Variants in SLC9A9 observed in about 807,000 individuals in gnomAD.
SLC9A9 encodes the protein solute carrier family 9 member A9, also known as sodium/hydrogen exchanger 9.
SLC9A9 carries 62 observed loss-of-function variants against 77.8 expected under a neutral mutation model. The ratio of observed to expected loss-of-function variants is 0.80; its 90% CI spans 0.65 to 0.98. The LOEUF (loss-of-function observed/expected upper bound fraction) is 0.98. Among genes scored for constraint, SLC9A9 ranks in the 50% least tolerant of loss-of-function variants. The probability of loss-of-function intolerance (pLI) is 0.00; values close to 1 mark genes in which losing one functional copy is unlikely to be tolerated. For synonymous variants in SLC9A9, 320 were observed against 283.5 expected, an observed-to-expected ratio of 1.13 and a Z score of -1.29; for missense variants, 775 against 774.9, an observed-to-expected ratio of 1.00 and a Z score of 0.00.
At chr3:143,564,101 A>G (rs1373183441) in intron 8 of SLC9A9, among the ~76,000 whole-genome samples, 4 of 152,224 alleles carry the variant, frequency 2.6e-5, no homozygotes, top group African/African-American at 9.6e-5. Context: ...GAACACAAGG[A>G]GATTAATCCT....
In SLC9A9 at chr3:143,757,932, C is replaced by T. The variant is rs115169115; in HGVS notation, c.533+37069G>A. Among the ~76,000 whole-genome samples the T allele has an allele frequency of 8.6e-3, 1,313 of 152,162 alleles. 14 individuals are homozygous for T. The highest frequency in any genetic ancestry group is 0.03 in the African/African-American group (1,241 of 41,516). On this transcript the variant is annotated intron_variant, in intron 4 of 15. Coordinates refer to ENST00000316549, the MANE Select transcript of SLC9A9 (RefSeq NM_173653.4). ...CAATGCAGTCACTAGGTAAAGGAAA[C>T]AGCCGGAAAAGTATGTGGGGAGGGA...
intron 1 of SLC9A9, among the ~76,000 whole-genome samples, chr3:143,840,409 G>C (rs2009678158): frequency 6.6e-6 from 1 of 152,112 alleles, no homozygotes; most frequent in Non-Finnish European, 1.5e-5. Flanking sequence ...TATGATGAAA[G>C]CCTATTTTGC....
At chr3:143,792,617 T>G (rs865962595) in intron 4 of SLC9A9, among the ~76,000 whole-genome samples, 2 of 152,132 alleles carry the variant, frequency 1.3e-5, no homozygotes, top group African/African-American at 4.8e-5. Flanking sequence ...CTTCCTGTTT[T>G]GGGGGTCCAA....
At chr3:143,624,005 G>C (rs946370081) in intron 6 of SLC9A9, among the ~76,000 whole-genome samples, 1 of 152,146 alleles carries the variant, frequency 6.6e-6, no homozygotes, top group Non-Finnish European at 1.5e-5. Flanking sequence ...AAATAAACTA[G>C]AAAATCTAGA....
At chr3:143,816,344 C>T (rs535129076) in intron 2 of SLC9A9, among the ~76,000 whole-genome samples, 3 of 152,272 alleles carry the variant, frequency 2.0e-5, no homozygotes, top group African/African-American at 7.2e-5. Context: ...GCTAGGACCC[C>T]AGGTGCATAC....
chr3:143,475,213 C>T (rs909029182), intron 11 of SLC9A9, among the ~76,000 whole-genome samples: 2 of 151,544 alleles, frequency 1.3e-5, no homozygotes, highest in South Asian at 4.2e-4. Flanking sequence ...GTGATCTACC[C>T]GCCTCGGCCT....
chr3:143,365,170 G>T (rs1306506914), intron 13 of SLC9A9, among the ~76,000 whole-genome samples: 1 of 152,100 alleles, frequency 6.6e-6, no homozygotes, highest in Non-Finnish European at 1.5e-5. Context: ...TTAAACTAAT[G>T]CAGGAAGAGA....
At chr3:143,273,408 G>T (rs1332186878) in intron 14 of SLC9A9, among the ~76,000 whole-genome samples, 2 of 152,166 alleles carry the variant, frequency 1.3e-5, no homozygotes, top group Admixed American at 1.3e-4. Context: ...AAGAAGAGAT[G>T]CTAGGGAGTT....
chr3:143,812,722 G>A (rs755655054), intron 2 of SLC9A9, among the ~76,000 whole-genome samples: 7 of 152,088 alleles, frequency 4.6e-5, no homozygotes, highest in Non-Finnish European at 8.8e-5. Context: ...AGCTTATGTA[G>A]AGCATTCGGC....
At chr3:143,521,187 A>C (rs564582860) in intron 9 of SLC9A9, among the ~76,000 whole-genome samples, 76 of 152,296 alleles carry the variant, frequency 5.0e-4, no homozygotes, top group African/African-American at 1.7e-3. Context: ...CTTCTAAACA[A>C]TTTATGATTT....
chr3:143,538,316 T>C (rs2036627862), intron 9 of SLC9A9, among the ~76,000 whole-genome samples: 1 of 152,120 alleles, frequency 6.6e-6, no homozygotes, highest in Non-Finnish European at 1.5e-5. Flanking sequence ...CTCAACTTGG[T>C]ACTATAAGAG....
intron 14 of SLC9A9, among the ~76,000 whole-genome samples, chr3:143,357,678 A>T (rs1388470016): frequency 6.6e-6 from 1 of 152,182 alleles, no homozygotes. Flanking sequence ...ACTGTTGATT[A>T]CGAATGCTGG....
At chr3:143,308,010 A>G (rs2030865717) in intron 14 of SLC9A9, among the ~76,000 whole-genome samples, 1 of 152,214 alleles carries the variant, frequency 6.6e-6, no homozygotes, top group Non-Finnish European at 1.5e-5. Context: ...GCACACAGGC[A>G]TGAGGCCATC....
intron 2 of SLC9A9, among the ~76,000 whole-genome samples, chr3:143,805,700 A>C: frequency 6.6e-6 from 1 of 151,922 alleles, no homozygotes; most frequent in Non-Finnish European, 1.5e-5. Context: ...CCTGGCTCAA[A>C]AGCTCCCCCA....
chr3:143,559,769 A>G (rs764166874), intron 8 of SLC9A9, among the ~76,000 whole-genome samples: 2 of 152,182 alleles, frequency 1.3e-5, no homozygotes. Flanking sequence ...TTTTTCAAAT[A>G]AGCTATGAGG....
Position 143,442,206 on chromosome 3 carries a change from A to G in SLC9A9, c.1469+24831T>C, listed in dbSNP as rs866071127. On this transcript the variant is annotated intron_variant, in intron 12 of 15. Transcript: ENST00000316549. The stretch of plus-strand genomic sequence containing the variant: ...AATGAGTATAAAGTAACAATTTTAT[A>G]CAAACAAGATGGGCTTCCTACAAAA... Among the ~76,000 whole-genome samples, 80 of 152,234 alleles carry G rather than the reference A, an allele frequency of 5.3e-4. 1 individual carries two copies. The highest frequency in any genetic ancestry group is 1.9e-3 in the African/African-American group (77 of 41,466).
intron 9 of SLC9A9, among the ~76,000 whole-genome samples, chr3:143,515,002 A>C (rs945122703): frequency 6.6e-6 from 1 of 152,176 alleles, no homozygotes; most frequent in Admixed American, 6.5e-5. Flanking sequence ...CACTAAGCTT[A>C]ATCATTTCTA....
At chr3:143,554,255 T>G (rs1237827028) in intron 8 of SLC9A9, among the ~76,000 whole-genome samples, 1 of 152,196 alleles carries the variant, frequency 6.6e-6, no homozygotes, top group East Asian at 1.9e-4. Flanking sequence ...CCAAGAACAG[T>G]GCTTGTTTAA....
chr3:143,525,694 G>A (rs993349412), intron 9 of SLC9A9, among the ~76,000 whole-genome samples: 1 of 152,154 alleles, frequency 6.6e-6, no homozygotes, highest in Non-Finnish European at 1.5e-5. Flanking sequence ...CTTAGATAAT[G>A]TCAGTGAGTT....
Sources: gnomAD v4.1 joint callset for allele counts (sites outside exome capture counted in the v4.1 genomes callset) on GRCh38, gnomAD v4.1.1 for gene constraint, MANE v1.5 for transcripts, NCBI Gene and HGNC (gene_info 2026-07-23, HGNC 2026-07-21) for gene names.